Variants in CDH6 observed in about 807,000 individuals in gnomAD.
CDH6 encodes the protein cadherin 6.
Under a neutral mutation model 78.0 loss-of-function variants are expected in CDH6, and 31 were observed. The ratio of observed to expected loss-of-function variants is 0.40; its 90% CI spans 0.30 to 0.54. The LOEUF (loss-of-function observed/expected upper bound fraction) is 0.54, where lower values mean the gene tolerates loss of function less well. Ranked by LOEUF, CDH6 falls within the 20% of genes least tolerant of loss-of-function variation. The probability of loss-of-function intolerance (pLI) is 0.56; values close to 1 mark genes in which losing one functional copy is unlikely to be tolerated. For synonymous variants in CDH6, 376 were observed against 368.8 expected, an observed-to-expected ratio of 1.02 and a Z score of -0.23; for missense variants, 724 against 975.9, an observed-to-expected ratio of 0.74 and a Z score of 3.44.
At chr5:31,293,366 C>CTTAA (rs71300151) in intron 2 of CDH6, among the ~76,000 whole-genome samples, 44,482 of 151,650 alleles carry the variant, frequency 0.29, 7,121 homozygotes, top group Admixed American at 0.37. Flanking sequence ...AGTTGAATTT[C>CTTAA]ATAAATAAAT....
intron 1 of CDH6, among the ~76,000 whole-genome samples, chr5:31,223,902 G>T (rs1421873812): frequency 1.3e-5 from 2 of 152,140 alleles, no homozygotes; most frequent in Non-Finnish European, 2.9e-5. Flanking sequence ...CATAGAGAAA[G>T]ATTTATCAAT....
chr5:31,293,281 C>T (rs1388217646), intron 2 of CDH6, among the ~76,000 whole-genome samples: 1 of 152,056 alleles, frequency 6.6e-6, no homozygotes, highest in Non-Finnish European at 1.5e-5. Flanking sequence ...TTCCAAGTGA[C>T]CTGTAAATTA....
At chr5:31,255,651 G>A (rs922034511) in intron 1 of CDH6, among the ~76,000 whole-genome samples, 3 of 152,196 alleles carry the variant, frequency 2.0e-5, no homozygotes, top group Admixed American at 6.5e-5. Context: ...ACCTGAATTA[G>A]TGAAGATGTC....
At chr5:31,275,337 G>T (rs78524959) in intron 2 of CDH6, among the ~76,000 whole-genome samples, 5,840 of 152,032 alleles carry the variant, frequency 0.038, 197 homozygotes, top group Non-Finnish European at 0.054. Context: ...TTCAACTCCT[G>T]CCCCTCTCCC....
intron 7 of CDH6, among the ~76,000 whole-genome samples, chr5:31,310,393 G>A (rs139064126): frequency 3.3e-5 from 5 of 152,208 alleles, no homozygotes; most frequent in Admixed American, 6.5e-5. Context: ...AGCCCCCGAG[G>A]CTGCTTTCAT....
intron 1 of CDH6, 79 bp from the exon 2 acceptor site, chr5:31,267,267 C>CT (rs1742388214): frequency 3.9e-6 from 2 of 515,636 alleles, no homozygotes; most frequent in Non-Finnish European, 3.4e-6. Context: ...TTTCTGTCCT[C>CT]TTTTTTCCCA....
rs182435835 is a variant in CDH6 at position 31,317,456 on chromosome 5, G to A, written c.1594G>A (p.Ala532Thr). The A allele has an allele frequency of 2.5e-6, 4 of 1,613,130 alleles. No individual in the cohort carries two copies. In the African/African-American group the frequency reaches 4.0e-5, roughly 16 times the overall value. Residue 532 changes from alanine (A) to threonine (T), a missense_variant, in exon 10 of 12, where the codon GCC (alanine) becomes ACC (threonine). Coordinates refer to ENST00000265071, the MANE Select transcript of CDH6 (RefSeq NM_004932.4). ...TTCGTTTTCCTTGGCCCCTGAAGCA[G>A]CCAGTGGCTCAAACTTTACCATTCA... Reference protein sequence around the residue: ...QFSFSLAPEAASGSNFTIQDN... With the variant: ...QFSFSLAPEATSGSNFTIQDN...
intron 11 of CDH6, chr5:31,318,848 C>T (rs1738399114): frequency 1.3e-5 from 3 of 226,380 alleles, no homozygotes; most frequent in Non-Finnish European, 2.6e-5. Flanking sequence ...TGAAAGAGAA[C>T]CCGCATTTCA....
chr5:31,269,946 C>T (rs564511178), intron 2 of CDH6, among the ~76,000 whole-genome samples: 3 of 152,258 alleles, frequency 2.0e-5, no homozygotes, highest in South Asian at 2.1e-4. Flanking sequence ...GTATCAGACA[C>T]GCGTTAGAGG....
chr5:31,255,250 A>G (rs2149926958), intron 1 of CDH6, among the ~76,000 whole-genome samples: 1 of 152,342 alleles, frequency 6.6e-6, no homozygotes, highest in Middle Eastern at 3.4e-3. Context: ...TCTTGTGCCC[A>G]TTGTTTATAA....
At chr5:31,313,546 A>G in intron 8 of CDH6, 92 bp downstream of exon 8, 1 of 1,203,282 alleles carries the variant, frequency 8.3e-7, no homozygotes. Flanking sequence ...CCATGTATTG[A>G]CAATCCCACT....
chr5:31,312,595 G>C (rs1343969), intron 7 of CDH6, among the ~76,000 whole-genome samples: 274 of 152,276 alleles, frequency 1.8e-3, no homozygotes, highest in African/African-American at 6.2e-3. Flanking sequence ...GGAGGCTAAG[G>C]TGGGAGGATC....
At chr5:31,322,007 T>C (rs1425071877) in intron 11 of CDH6, among the ~76,000 whole-genome samples, 1 of 152,202 alleles carries the variant, frequency 6.6e-6, no homozygotes, top group African/African-American at 2.4e-5. Context: ...CAATTCTTGT[T>C]TTACCTCTAA....
chr5:31,308,596 G>A lies in CDH6; in HGVS notation c.1253+3169G>A, dbSNP rs1738060599. Among the ~76,000 whole-genome samples, 3 of 151,998 alleles carry A rather than the reference G, an allele frequency of 2.0e-5. No homozygotes were observed. The South Asian group carries it at 6.2e-4, about 31-fold the overall frequency. On this transcript the variant is annotated intron_variant, in intron 7 of 11. Transcript: ENST00000265071. ...AAGGAAAAAACAACAAACAAGCAAGGCTTGTGTACAAGCAACTTTCCTGAA... is the reference window on the plus strand; with the variant it reads ...AAGGAAAAAACAACAAACAAGCAAGACTTGTGTACAAGCAACTTTCCTGAA...
At chr5:31,320,122 G>A (rs1738440187) in intron 11 of CDH6, among the ~76,000 whole-genome samples, 1 of 152,146 alleles carries the variant, frequency 6.6e-6, no homozygotes, top group African/African-American at 2.4e-5. Context: ...ACCTCATAGG[G>A]CATCACTTTC....
chr5:31,267,373 A>T lies in CDH6; in HGVS notation c.-101A>T. 1.2e-6 allele frequency: 1 copy of T among 809,028 alleles called. No homozygotes were observed. The highest frequency in any genetic ancestry group is 1.6e-5 in the South Asian group (1 of 63,126). 50.1% of individuals were successfully genotyped at this position (809,028 alleles called of 1,614,324 possible). A position where few individuals can be genotyped will look rare whatever the true frequency, so the allele number is the denominator to read the frequency against. ...ATCCTCTGAGAGCCAAGCAAAGAAC[A>T]TTAAGGAAGGAAGGAGGAATGAGGC... On this transcript the variant is annotated 5_prime_UTR_variant, in exon 2 of 12. Transcript: ENST00000265071.
intron 1 of CDH6, among the ~76,000 whole-genome samples, chr5:31,220,786 G>C (rs568167198): frequency 3.4e-4 from 51 of 152,218 alleles, no homozygotes; most frequent in African/African-American, 1.2e-3. Context: ...AGGATGAAAA[G>C]GAGGAAGCCA....
At chr5:31,258,812 G>A (rs941787823) in intron 1 of CDH6, among the ~76,000 whole-genome samples, 12 of 152,074 alleles carry the variant, frequency 7.9e-5, no homozygotes, top group Admixed American at 7.9e-4. Flanking sequence ...TTATTTTTTA[G>A]GGAATTCATG....
Position 31,317,918 on chromosome 5 carries a change from C to T in CDH6, c.1876C>T (p.Leu626=). The part of the protein sequence containing the change: ...LVAILLCIVI[L]LVTVVLFAAL... ...TGCCATCCTTCTGTGCATCGTGATC[C>T]TACTAGGTAAACTGGTTCTCCCTGC... is the stretch of plus-strand genomic sequence containing the variant. The change falls in exon 11 of 12, where the codon CTA becomes TTA. Residue 626 remains leucine (L), a synonymous_variant. Transcript: ENST00000265071. 5 of 1,612,912 alleles carry T rather than the reference C, an allele frequency of 3.1e-6. No homozygotes were observed. The highest frequency in any genetic ancestry group is 4.2e-6 in the Non-Finnish European group (5 of 1,180,030).
Sources: gnomAD v4.1 joint callset for allele counts (sites outside exome capture counted in the v4.1 genomes callset) on GRCh38, gnomAD v4.1.1 for gene constraint, MANE v1.5 for transcripts, NCBI Gene and HGNC (gene_info 2026-07-23, HGNC 2026-07-21) for gene names.